The following RNF169 variants were observed in gnomAD, a reference collection of about 807,000 sequenced individuals.
The protein encoded by RNF169 is ring finger protein 169.
In RNF169, 24 loss-of-function variants were observed where a neutral mutation model predicts 53.9. The observed-to-expected ratio is 0.45, with a 90% confidence interval of 0.32 to 0.63. The LOEUF is 0.63. Ranked by LOEUF, RNF169 falls within the 20% of genes least tolerant of loss-of-function variation. The pLI, the probability that RNF169 is intolerant of heterozygous loss-of-function variation, is 0.04. For missense variants in RNF169, 883 were observed against 906.2 expected (o/e 0.97, Z 0.33); for synonymous variants, 396 against 363.5 (o/e 1.09, Z -1.02).
intron 1 of RNF169, among the ~76,000 whole-genome samples, chr11:74,752,595 C>CAAAA (rs371908528): frequency 8.9e-6 from 1 of 111,886 alleles, no homozygotes; most frequent in Admixed American, 9.5e-5. Flanking sequence ...GACTCTGTCT[C>CAAAA]AAAAAAAAAA....
At position 74,839,992 on chromosome 11, in the gene RNF169, T is replaced by TA. The variant is rs1469025612; in HGVS notation, c.*3265dup. On this transcript the variant is annotated 3_prime_UTR_variant, in exon 6 of 6. Transcript: ENST00000299563. ...TTTTGCTTGGAAGCAGCACTGGTAA[T>TA]AAATGTTTTATTTTTTGTTCATTTT... 6.6e-6 allele frequency: 1 copy of TA among 152,234 alleles called. No homozygotes were observed. Among genetic ancestry groups the TA allele is most frequent in the African/African-American group, 2.4e-5 (1 of 41,462 alleles). 9.4% of individuals were successfully genotyped at this position (152,234 alleles called of 1,614,324 possible). A position where few individuals can be genotyped will look rare whatever the true frequency, so the allele number is the denominator to read the frequency against.
chr11:74,818,384 A>G (rs2035966522), intron 4 of RNF169, among the ~76,000 whole-genome samples: 1 of 152,188 alleles, frequency 6.6e-6, no homozygotes, highest in African/African-American at 2.4e-5. Flanking sequence ...TTTAATATAC[A>G]GATGTAAAGA....
At chr11:74,797,444 A>G (rs1192331285) in intron 2 of RNF169, among the ~76,000 whole-genome samples, 1 of 152,188 alleles carries the variant, frequency 6.6e-6, no homozygotes, top group East Asian at 1.9e-4. Flanking sequence ...TTGTTATACC[A>G]CAGAACAAGC....
rs915195270 is a variant in RNF169 at position 74,798,275 on chromosome 11, C to G, written c.576+8576C>G. Among the ~76,000 whole-genome samples the G allele has an allele frequency of 2.6e-5, 4 of 152,234 alleles. No individual in the cohort carries two copies. The South Asian group carries it at 8.3e-4, about 31-fold the overall frequency. ...TCAAAAGCAAATGGGAAAAATATCG[C>G]TGAATTCTTTTTCTCAGCACGGAAC... On this transcript the variant is annotated intron_variant, in intron 2 of 5. Transcript: ENST00000299563.
chr11:74,808,191 T>TA (rs1263780561), intron 2 of RNF169: 1 of 151,894 alleles, frequency 6.6e-6, no homozygotes, highest in African/African-American at 2.4e-5. Context: ...GAGACTCTAT[T>TA]AAAAAATAAA....
chr11:74,816,833 G>A (rs151184394), intron 3 of RNF169, among the ~76,000 whole-genome samples: 82 of 152,336 alleles, frequency 5.4e-4, no homozygotes, highest in Non-Finnish European at 9.7e-4. Context: ...TCTAGTTTGT[G>A]AAGGTTGTAG....
At chr11:74,789,939 C>T (rs954278435) in intron 2 of RNF169, among the ~76,000 whole-genome samples, 1 of 152,224 alleles carries the variant, frequency 6.6e-6, no homozygotes, top group Non-Finnish European at 1.5e-5. Flanking sequence ...GAGCCTGTCA[C>T]ATGCCAGCTG....
At chr11:74,757,000 A>ATTTTTATT (rs1554991199) in intron 1 of RNF169, among the ~76,000 whole-genome samples, 5 of 150,898 alleles carry the variant, frequency 3.3e-5, no homozygotes, top group South Asian at 4.2e-4. Flanking sequence ...TCTTTTATTT[A>ATTTTTATT]TTTATTTTTA....
intron 1 of RNF169, among the ~76,000 whole-genome samples, chr11:74,753,699 G>A (rs1161879375): frequency 1.3e-5 from 2 of 152,060 alleles, no homozygotes; most frequent in African/African-American, 4.8e-5. Flanking sequence ...TAAATGCACT[G>A]GTATTTAAGT....
chr11:74,825,196 G>C (rs1244913974), intron 4 of RNF169, among the ~76,000 whole-genome samples: 2 of 152,128 alleles, frequency 1.3e-5, no homozygotes, highest in Non-Finnish European at 2.9e-5. Flanking sequence ...AATATAGACT[G>C]TATGTTAGAC....
Position 74,765,630 on chromosome 11 carries a change from A to G in RNF169, c.502+16248A>G, listed in dbSNP as rs559576537. 5.9e-5 allele frequency among the ~76,000 whole-genome samples: 9 copies of G among 152,128 alleles called. 1 individual carries two copies. In the East Asian group the frequency reaches 1.7e-3, roughly 29 times the overall value. Reference sequence around the variant, plus strand: ...AGCCTGGCCAACATGGTGAAACCCCATCTCTACTAAAAATACAAAAAATTA... The same window carrying G: ...AGCCTGGCCAACATGGTGAAACCCCGTCTCTACTAAAAATACAAAAAATTA... On this transcript the variant is annotated intron_variant, in intron 1 of 5. Coordinates refer to ENST00000299563, the MANE Select transcript of RNF169 (RefSeq NM_001098638.2).
intron 3 of RNF169, 76 bp downstream of exon 3, chr11:74,810,406 C>G (rs1205907067): frequency 1.5e-6 from 2 of 1,352,916 alleles, no homozygotes; most frequent in Admixed American, 3.6e-5. Flanking sequence ...ACCTGAAAGA[C>G]CTATGTTGGT....
intron 4 of RNF169, among the ~76,000 whole-genome samples, chr11:74,824,138 G>T (rs187077845): frequency 6.6e-5 from 10 of 152,192 alleles, no homozygotes; most frequent in African/African-American, 2.4e-4. Context: ...AAGGAACTAT[G>T]GGCAAAGAAC....
chr11:74,822,805 T>C (rs1302266161), intron 4 of RNF169, among the ~76,000 whole-genome samples: 1 of 152,232 alleles, frequency 6.6e-6, no homozygotes, highest in African/African-American at 2.4e-5. Flanking sequence ...ATGTTTTCTT[T>C]CTTTTCCTTA....
rs531747009 is a variant in RNF169, at chr11:74,819,488, G to A, written c.842+1774G>A. Among the ~76,000 whole-genome samples the A allele has an allele frequency of 1.1e-4, 17 of 152,302 alleles. No homozygotes were observed. In the South Asian group the frequency reaches 2.9e-3, roughly 26 times the overall value. On this transcript the variant is annotated intron_variant, in intron 4 of 5. Transcript: ENST00000299563. The stretch of plus-strand genomic sequence containing the variant: ...TTTAAACTCATCAAAGGCAGGGATA[G>A]CATCTTGTTCATCATTATAATACTT...
chr11:74,831,809 C>A (rs150778997), intron 4 of RNF169: 1 of 152,118 alleles, frequency 6.6e-6, no homozygotes, highest in African/African-American at 2.4e-5. Flanking sequence ...ACATGTAAAT[C>A]CATGGAATAG....
rs375909107 is a variant in RNF169, at chr11:74,792,460, G to A, written c.576+2761G>A. On this transcript the variant is annotated intron_variant, in intron 2 of 5. Coordinates refer to ENST00000299563, the MANE Select transcript of RNF169 (RefSeq NM_001098638.2). Reference sequence around the variant, plus strand: ...TCTGTTGCCCAGGCTGGAGTGCAGCGGTGCAGTCTTGGCTCACCACAACCT... The same window carrying A: ...TCTGTTGCCCAGGCTGGAGTGCAGCAGTGCAGTCTTGGCTCACCACAACCT... Among the ~76,000 whole-genome samples the A allele has an allele frequency of 2.4e-4, 37 of 152,080 alleles. 1 individual carries two copies. The highest frequency in any genetic ancestry group is 7.7e-4 in the African/African-American group (32 of 41,484).
chr11:74,824,705 C>T, intron 4 of RNF169, among the ~76,000 whole-genome samples: 1 of 152,156 alleles, frequency 6.6e-6, no homozygotes, highest in East Asian at 1.9e-4. Context: ...TGAGCACATG[C>T]TGTTGGAAAA....
chr11:74,787,724 A>G (rs867658813), intron 1 of RNF169, among the ~76,000 whole-genome samples: 3 of 152,314 alleles, frequency 2.0e-5, no homozygotes, highest in African/African-American at 7.2e-5. Context: ...TATAGGCTTC[A>G]TGACAGAGGG....
Sources: allele counts gnomAD v4.1 joint callset (sites outside exome capture counted in the v4.1 genomes callset), GRCh38; gene constraint gnomAD v4.1.1; transcripts MANE v1.5; gene names NCBI Gene and HGNC (gene_info 2026-07-23, HGNC 2026-07-21).